STPG2: variants seen among roughly 807,000 people sequenced by gnomAD.
The protein encoded by STPG2 is sperm tail PG-rich repeat containing 2.
A neutral mutation model predicts 54.2 loss-of-function variants in STPG2; 56 were observed. That is an observed-to-expected ratio of 1.03 (90% confidence interval 0.83 to 1.29). STPG2 has a LOEUF of 1.29. Ranked by LOEUF, STPG2 falls within the 50% of genes most tolerant of loss-of-function variation. STPG2 has a pLI of 0.00. For synonymous variants in STPG2, 200 were observed against 181.8 expected, an observed-to-expected ratio of 1.10 and a Z score of -0.81; for missense variants, 596 against 544.9, an observed-to-expected ratio of 1.09 and a Z score of -0.93.
intron 8 of STPG2, chr4:97,916,487 A>AAGAC (rs1484986236): frequency 6.6e-6 from 1 of 152,654 alleles, no homozygotes; most frequent in Non-Finnish European, 1.5e-5. Flanking sequence ...TGAAGCACTG[A>AAGAC]AGACAGGCTC....
At chr4:98,020,329 T>G (rs1736134829) in intron 5 of STPG2, among the ~76,000 whole-genome samples, 1 of 137,638 alleles carries the variant, frequency 7.3e-6, no homozygotes, top group Admixed American at 7.1e-5. Context: ...TTTATTGATT[T>G]GCATATATTG....
intron 9 of STPG2, among the ~76,000 whole-genome samples, chr4:97,741,336 TG>T (rs1725225702): frequency 6.6e-6 from 1 of 152,062 alleles, no homozygotes; most frequent in South Asian, 2.1e-4. Flanking sequence ...CCAAAAGCAA[TG>T]GCAACAAAAG....
chr4:97,448,417 T>C, intron 4 of STPG2, among the ~76,000 whole-genome samples: 1 of 152,124 alleles, frequency 6.6e-6, no homozygotes, highest in East Asian at 1.9e-4. Flanking sequence ...TCTCAAATTG[T>C]AATCCCCACA....
chr4:97,979,349 A>C (rs1330442395), intron 6 of STPG2, among the ~76,000 whole-genome samples: 1 of 152,134 alleles, frequency 6.6e-6, no homozygotes, highest in East Asian at 1.9e-4. Context: ...GATCCTCATC[A>C]AGGAAATGCT....
rs1179826040 is a variant in STPG2 at position 97,636,656 on chromosome 4, G to A, written c.1320+76043C>T. ...TAGATGCAATAAAAAATGATAAAGG[G>A]GATATTACCACCAATCCCACAGAAA... On this transcript the variant is annotated intron_variant, in intron 10 of 10. Transcript: ENST00000295268. Among the ~76,000 whole-genome samples the A allele has an allele frequency of 7.3e-5, 11 of 151,604 alleles. No homozygotes were observed. In the East Asian group the frequency reaches 2.1e-3, roughly 29 times the overall value.
intron 4 of STPG2, among the ~76,000 whole-genome samples, chr4:97,484,440 G>T (rs115808325): frequency 0.014 from 2,116 of 151,624 alleles, 42 homozygotes; most frequent in African/African-American, 0.048. Flanking sequence ...AAACTTTTAC[G>T]CACATCAAGT....
At chr4:97,544,191 C>A (rs1731782938) in intron 4 of STPG2, among the ~76,000 whole-genome samples, 1 of 152,052 alleles carries the variant, frequency 6.6e-6, no homozygotes, top group Non-Finnish European at 1.5e-5. Flanking sequence ...CAGTTAATTA[C>A]ATTACAAGTA....
At chr4:98,053,582 A>G (rs1490768118) in intron 5 of STPG2, among the ~76,000 whole-genome samples, 2 of 152,142 alleles carry the variant, frequency 1.3e-5, no homozygotes, top group Non-Finnish European at 2.9e-5. Flanking sequence ...AGTTTCTCTG[A>G]CTTTAGGCTT....
At chr4:97,559,316 T>C (rs1254111737) in intron 10 of STPG2, among the ~76,000 whole-genome samples, 199 bp from the exon 11 acceptor site, 3 of 152,206 alleles carry the variant, frequency 2.0e-5, no homozygotes, top group African/African-American at 7.2e-5. Flanking sequence ...GTGAATATAA[T>C]CAATATTAAT....
At position 98,026,069 on chromosome 4, in the gene STPG2, G is replaced by T. The variant is rs921471013; in HGVS notation, c.613-44751C>A. 2.3e-5 allele frequency: 27 copies of T among 1,151,170 alleles called. No homozygotes were observed. The African/African-American group carries it at 2.8e-4, about 12-fold the overall frequency. 71.3% of individuals were successfully genotyped at this position (1,151,170 alleles called of 1,614,324 possible). A position where few individuals can be genotyped will look rare whatever the true frequency, so the allele number is the denominator to read the frequency against. ...GTTCTCTCAATACATAAAGAACAGA[G>T]TAACTCCAGACATGATGGAGATGTA... On this transcript the variant is annotated intron_variant, in intron 5 of 10. Transcript: ENST00000295268.
chr4:97,918,548 GAAATA>G (rs996409382), intron 8 of STPG2, among the ~76,000 whole-genome samples: 3 of 151,040 alleles, frequency 2.0e-5, no homozygotes, highest in African/African-American at 7.3e-5. Context: ...TTTTCACCAG[GAAATA>G]AATAAATATA....
Position 97,712,788 on chromosome 4 carries a change from T to C in STPG2, c.1231A>G (p.Arg411Gly). ...PGPAAYNPVL[R>G]KSCPIPLFVK... is the part of the protein sequence containing the mutation. ...AATAAGGGTATGGGGCAAGATTTCC[T>C]TAAAACAGGATTGTATGCTGCAGGA... is the stretch of plus-strand genomic sequence containing the variant. Residue 411 changes from arginine (R) to glycine (G), a missense_variant, in exon 10 of 11, where the codon AGG (arginine) becomes GGG (glycine). Transcript: ENST00000295268. The C allele has an allele frequency of 1.2e-6, 2 of 1,608,218 alleles. No homozygotes were observed. The highest frequency in any genetic ancestry group is 1.1e-5 in the South Asian group (1 of 90,236).
intron 4 of STPG2, among the ~76,000 whole-genome samples, chr4:97,489,575 G>T (rs1375036219): frequency 6.6e-6 from 1 of 151,538 alleles, no homozygotes; most frequent in African/African-American, 2.4e-5. Context: ...CTTAAATGAA[G>T]GGAGGACAAC....
intron 10 of STPG2, among the ~76,000 whole-genome samples, chr4:97,698,092 G>A (rs537393475): frequency 1.3e-5 from 2 of 152,086 alleles, no homozygotes; most frequent in African/African-American, 4.8e-5. Flanking sequence ...GCACCACTGG[G>A]TTAGGGTCTC....
intron 10 of STPG2, among the ~76,000 whole-genome samples, chr4:97,594,368 A>G (rs1246418323): frequency 1.3e-5 from 2 of 152,256 alleles, no homozygotes; most frequent in Non-Finnish European, 2.9e-5. Context: ...CCGAAGTATT[A>G]ACAGCAGAAT....
intron 9 of STPG2, among the ~76,000 whole-genome samples, chr4:97,832,332 C>T (rs1728493976): frequency 6.6e-6 from 1 of 152,168 alleles, no homozygotes; most frequent in African/African-American, 2.4e-5. Flanking sequence ...ATGCTAAACA[C>T]TCTCCATAAA....
chr4:97,950,707 C>A (rs753421468), intron 7 of STPG2, among the ~76,000 whole-genome samples: 1 of 152,188 alleles, frequency 6.6e-6, no homozygotes, highest in Non-Finnish European at 1.5e-5. Flanking sequence ...CTGACCTCCA[C>A]GCTGTCCATG....
chr4:98,021,737 C>G (rs11933342), intron 5 of STPG2, among the ~76,000 whole-genome samples: 4 of 150,422 alleles, frequency 2.7e-5, no homozygotes, highest in Admixed American at 1.3e-4. Context: ...ATAGTTAGCT[C>G]TTCTTGTTGA....
At chr4:97,667,665 G>A (rs1195296091) in intron 10 of STPG2, among the ~76,000 whole-genome samples, 1 of 151,954 alleles carries the variant, frequency 6.6e-6, no homozygotes, top group Non-Finnish European at 1.5e-5. Flanking sequence ...ACATTTATTT[G>A]CATCATATAA....
Sources: gnomAD v4.1 joint callset for allele counts (sites outside exome capture counted in the v4.1 genomes callset) on GRCh38, gnomAD v4.1.1 for gene constraint, MANE v1.5 for transcripts, NCBI Gene and HGNC (gene_info 2026-07-23, HGNC 2026-07-21) for gene names.